OTOGL: variants seen among roughly 807,000 people sequenced by gnomAD.
OTOGL encodes the protein otogelin-like protein.
Under a neutral mutation model 318.5 loss-of-function variants are expected in OTOGL, and 285 were observed. The observed-to-expected ratio is 0.89, with a 90% CI of 0.81 to 0.99. The LOEUF is 0.99. OTOGL is among the 50% of genes least tolerant of loss of function. The pLI, the probability that OTOGL is intolerant of heterozygous loss-of-function variation, is 0.00. For missense variants in OTOGL, 2,899 were observed against 2,845.6 expected, an observed-to-expected ratio of 1.02 and a Z score of -0.43; for synonymous variants, 987 against 936.5, an observed-to-expected ratio of 1.05 and a Z score of -0.99.
At chr12:80,286,398 A>T (rs1259535048) in intron 26 of OTOGL, among the ~76,000 whole-genome samples, 1 of 152,190 alleles carries the variant, frequency 6.6e-6, no homozygotes, top group East Asian at 1.9e-4. Context: ...AAAATGAGTT[A>T]GGGAGTAGTC....
chr12:80,292,894 C>T (rs950794493), intron 26 of OTOGL, among the ~76,000 whole-genome samples: 16 of 152,080 alleles, frequency 1.1e-4, no homozygotes, highest in African/African-American at 2.7e-4. Context: ...AACATACCAA[C>T]GAAGATGAAT....
chr12:80,315,704 A>T (rs1359477024), intron 32 of OTOGL, among the ~76,000 whole-genome samples: 1 of 152,202 alleles, frequency 6.6e-6, no homozygotes, highest in African/African-American at 2.4e-5. Flanking sequence ...AGAGAAAAAG[A>T]GATAATGAAT....
At chr12:80,259,938 A>C (rs111745725) in intron 18 of OTOGL, among the ~76,000 whole-genome samples, 1 of 151,994 alleles carries the variant, frequency 6.6e-6, no homozygotes, top group East Asian at 1.9e-4. Flanking sequence ...TTCAGACATT[A>C]TTTGCCTCAA....
chr12:80,232,858 T>C, intron 8 of OTOGL, 34 bp from the exon 9 acceptor site: 1 of 1,516,208 alleles, frequency 6.6e-7, no homozygotes, highest in Non-Finnish European at 9.0e-7. Context: ...GACTTTATCA[T>C]CATTCTTAGA....
intron 6 of OTOGL, among the ~76,000 whole-genome samples, chr12:80,220,397 G>A (rs894539490): frequency 3.3e-5 from 5 of 152,072 alleles, no homozygotes; most frequent in Non-Finnish European, 5.9e-5. Context: ...GAACTCAGGT[G>A]ATCCTCCCAT....
At chr12:80,362,963 A>G (rs938890975) in intron 52 of OTOGL, among the ~76,000 whole-genome samples, 13 of 151,990 alleles carry the variant, frequency 8.6e-5, no homozygotes, top group Non-Finnish European at 1.6e-4. Flanking sequence ...TTTATTTTTT[A>G]TTTTTATTTT....
At chr12:80,103,681 A>C (rs1042198243) in intron 1 of OTOGL, among the ~76,000 whole-genome samples, 3 of 152,228 alleles carry the variant, frequency 2.0e-5, no homozygotes, top group Non-Finnish European at 4.4e-5. Flanking sequence ...CCTTGCACAT[A>C]GTTGGCATTC....
chr12:80,337,214 G>A (rs1888469595), intron 42 of OTOGL, among the ~76,000 whole-genome samples: 1 of 151,942 alleles, frequency 6.6e-6, no homozygotes, highest in Non-Finnish European at 1.5e-5. Context: ...TCCCCTGTGA[G>A]GTTAACTGCA....
At chr12:80,367,090 C>T (rs903255972) in intron 53 of OTOGL, among the ~76,000 whole-genome samples, 3 of 151,812 alleles carry the variant, frequency 2.0e-5, no homozygotes, top group African/African-American at 7.3e-5. Context: ...AATCCTTCCA[C>T]CTTAACTGCC....
At chr12:80,164,253 T>C (rs1873701871) in intron 1 of OTOGL, among the ~76,000 whole-genome samples, 1 of 152,158 alleles carries the variant, frequency 6.6e-6, no homozygotes, top group Admixed American at 6.6e-5. Flanking sequence ...TTTCCTCTTC[T>C]CCTTCAAGGT....
At chr12:80,133,167 T>C (rs1871339167) in intron 1 of OTOGL, among the ~76,000 whole-genome samples, 2 of 152,128 alleles carry the variant, frequency 1.3e-5, no homozygotes, top group Admixed American at 1.3e-4. Context: ...CTTTCTTCTG[T>C]ATTTAAAATT....
chr12:80,368,873 A>T (rs1890714365), intron 55 of OTOGL, among the ~76,000 whole-genome samples: 1 of 151,600 alleles, frequency 6.6e-6, no homozygotes, highest in Non-Finnish European at 1.5e-5. Context: ...CTTAAAGCAA[A>T]TTAACAGAGG....
At chr12:80,362,826 C>T (rs1890314137) in intron 52 of OTOGL, among the ~76,000 whole-genome samples, 1 of 151,930 alleles carries the variant, frequency 6.6e-6, no homozygotes, top group East Asian at 1.9e-4. Context: ...ATTCACAAAG[C>T]TATGAGGTAA....
intron 1 of OTOGL, among the ~76,000 whole-genome samples, chr12:80,108,507 C>A (rs1325388054): frequency 6.6e-6 from 1 of 151,564 alleles, no homozygotes; most frequent in Non-Finnish European, 1.5e-5. Flanking sequence ...AGATATTTTT[C>A]ATTGTTACTT....
chr12:80,312,009 T>G (rs1886665272), intron 30 of OTOGL, among the ~76,000 whole-genome samples: 1 of 152,160 alleles, frequency 6.6e-6, no homozygotes, highest in Non-Finnish European at 1.5e-5. Flanking sequence ...CATGCAGAAG[T>G]AAAAAATTCA....
chr12:80,209,320 A>G (rs1001492757), intron 1 of OTOGL, 93 bp from the exon 2 acceptor site: 6 of 601,820 alleles, frequency 1.0e-5, no homozygotes, highest in Non-Finnish European at 1.0e-5. Flanking sequence ...ACTTTATTAC[A>G]TAGCTATATT....
At chr12:80,354,046 C>G (rs1258813380) in intron 46 of OTOGL, among the ~76,000 whole-genome samples, 1 of 152,114 alleles carries the variant, frequency 6.6e-6, no homozygotes, top group Non-Finnish European at 1.5e-5. Flanking sequence ...TTCGATCCTC[C>G]GTGTGGCAGT....
chr12:80,215,456 C>T (rs1280893920), intron 4 of OTOGL, among the ~76,000 whole-genome samples: 6 of 151,988 alleles, frequency 3.9e-5, no homozygotes, highest in African/African-American at 9.7e-5. Flanking sequence ...TGTGAGCCAC[C>T]GCGCCCGGCC....
chr12:80,296,493 A>G (rs1219018435), intron 26 of OTOGL, among the ~76,000 whole-genome samples: 1 of 152,210 alleles, frequency 6.6e-6, no homozygotes, highest in African/African-American at 2.4e-5. Context: ...AATATTTTTT[A>G]AAGATTTCCC....
Sources: allele counts gnomAD v4.1 joint callset (sites outside exome capture counted in the v4.1 genomes callset), GRCh38; gene constraint gnomAD v4.1.1; transcripts MANE v1.5; gene names NCBI Gene and HGNC (gene_info 2026-07-23, HGNC 2026-07-21).